The following MTMR3 variants were observed in gnomAD, a reference collection of about 807,000 sequenced individuals.
MTMR3 encodes phosphatidylinositol-3,5-bisphosphate 3-phosphatase MTMR3.
In MTMR3, 32 loss-of-function variants were observed where a neutral mutation model predicts 132.4. The observed-to-expected ratio is 0.24, with a 90% CI of 0.18 to 0.32. MTMR3 has a LOEUF of 0.32. MTMR3 is among the 10% of genes least tolerant of loss of function. The pLI is 1.00. For synonymous variants in MTMR3, 556 were observed against 550.3 expected, an observed-to-expected ratio of 1.01 and a Z score of -0.14; for missense variants, 1,216 against 1,489.6, an observed-to-expected ratio of 0.82 and a Z score of 3.02.
At chr22:29,972,579 C>G (rs2066556054) in intron 3 of MTMR3, among the ~76,000 whole-genome samples, 1 of 152,146 alleles carries the variant, frequency 6.6e-6, no homozygotes, top group Non-Finnish European at 1.5e-5. Flanking sequence ...ATTCCGTTTT[C>G]TTTTTTCTTG....
chr22:29,970,253 G>A (rs2066506702), intron 2 of MTMR3, among the ~76,000 whole-genome samples: 1 of 152,168 alleles, frequency 6.6e-6, no homozygotes, highest in Non-Finnish European at 1.5e-5. Flanking sequence ...TTCCTCAGAT[G>A]GGGGATCCAT....
rs1393169905 is a variant in MTMR3, at chr22:30,012,494, C to CT, written c.1249dup (p.Trp417LeufsTer12). 1 of 1,613,974 alleles carries CT rather than the reference C, an allele frequency of 6.2e-7. No homozygotes were observed. Among genetic ancestry groups the CT allele is most frequent in the Non-Finnish European group, 8.5e-7 (1 of 1,180,030 alleles). Reference sequence around the variant, plus strand: ...CGGTGCTAGTACACTGCTCAGATGGCTGGGACCGCACCCCCCAGATTGTGG... The same window carrying CT: ...CGGTGCTAGTACACTGCTCAGATGGCTTGGGACCGCACCCCCCAGATTGTGG... On this transcript the variant is annotated frameshift_variant, in exon 13 of 20. Coordinates refer to ENST00000401950, the MANE Select transcript of MTMR3 (RefSeq NM_021090.4). LOFTEE classifies it high-confidence loss of function.
chr22:30,022,486 G>C (rs940172195), intron 18 of MTMR3, 123 bp from the exon 19 acceptor site: 1 of 801,084 alleles, frequency 1.2e-6, no homozygotes, highest in African/African-American at 1.7e-5. Flanking sequence ...CATCAGATCT[G>C]CTGGGCTGGT....
At position 29,934,652 on chromosome 22, in the gene MTMR3, C is replaced by T. The variant is rs553951629; in HGVS notation, c.-137-22384C>T. ...TATTTTAGGGGAAAACTAGGGCATGCAGGTTGATCTTGTCCCATTATGGTG... is the reference window on the plus strand; with the variant it reads ...TATTTTAGGGGAAAACTAGGGCATGTAGGTTGATCTTGTCCCATTATGGTG... On this transcript the variant is annotated intron_variant, in intron 1 of 19. Coordinates refer to ENST00000401950, the MANE Select transcript of MTMR3 (RefSeq NM_021090.4). Among the ~76,000 whole-genome samples, 31 of 152,254 alleles carry T rather than the reference C, an allele frequency of 2.0e-4. No homozygotes were observed. The South Asian group carries it at 5.6e-3, about 28-fold the overall frequency.
At chr22:29,901,829 G>A (rs1344976937) in intron 1 of MTMR3, among the ~76,000 whole-genome samples, 1 of 152,184 alleles carries the variant, frequency 6.6e-6, no homozygotes, top group Non-Finnish European at 1.5e-5. Flanking sequence ...TCTTGAGACT[G>A]ACATCTTTTA....
chr22:29,959,190 G>GGGGT (rs896602400), intron 2 of MTMR3, among the ~76,000 whole-genome samples: 2 of 152,122 alleles, frequency 1.3e-5, no homozygotes, highest in Non-Finnish European at 2.9e-5. Context: ...GTCATATCAT[G>GGGGT]GGGTGGTACT....
intron 1 of MTMR3, among the ~76,000 whole-genome samples, chr22:29,896,892 CACACACACACAT>C (rs922818387): frequency 2.0e-5 from 3 of 151,220 alleles, no homozygotes; most frequent in Admixed American, 1.3e-4. Flanking sequence ...CACACACACA[CACACACACACAT>C]ACACACACAC....
intron 1 of MTMR3, among the ~76,000 whole-genome samples, chr22:29,930,971 C>T (rs985546838): frequency 2.0e-5 from 3 of 149,348 alleles, no homozygotes; most frequent in African/African-American, 7.4e-5. Context: ...CACACCACTG[C>T]ACTCCAGCCT....
chr22:30,016,879 G>A, intron 15 of MTMR3, 181 bp downstream of exon 15: 1 of 695,942 alleles, frequency 1.4e-6, no homozygotes, highest in Non-Finnish European at 2.3e-6. Context: ...ATGGTGCTCT[G>A]ATCTGTTTCT....
At chr22:29,947,513 A>AC (rs899833770) in intron 1 of MTMR3, among the ~76,000 whole-genome samples, 5 of 151,598 alleles carry the variant, frequency 3.3e-5, no homozygotes, top group Non-Finnish European at 7.4e-5. Context: ...AAAAAAAAAA[A>AC]ACAAAAAACC....
rs1284886306 is a variant in MTMR3, at chr22:30,020,215, T to G, written c.2556T>G (p.Asp852Glu). The change falls in exon 17 of 20, where the codon GAT (aspartate) becomes GAG (glutamate). Residue 852 changes from aspartate to glutamate, a missense_variant. Physicochemically the swap from Asp to Glu is conservative, Grantham distance 45. Around this residue, in one of 7 missense-constraint regions of MTMR3, gnomAD observed 852 missense variants for 852.0 expected, o/e 1.00. Transcript: ENST00000401950. Reference sequence around the variant, plus strand: ...GTTCTACAGACATGTTAGTGGAAGATAAGGTGAAGTCAGTAAGTGGGCCCC... The same window carrying G: ...GTTCTACAGACATGTTAGTGGAAGAGAAGGTGAAGTCAGTAAGTGGGCCCC... ...VDSSTDMLVEDKVKSVSGPQG... is the reference protein window; with the variant it reads ...VDSSTDMLVEEKVKSVSGPQG... The G allele has an allele frequency of 1.2e-5, 19 of 1,614,094 alleles. No homozygotes were observed. The highest frequency in any genetic ancestry group is 1.7e-5 in the Admixed American group (1 of 60,006).
intron 14 of MTMR3, chr22:30,015,240 A>G (rs115147394): frequency 0.024 from 3,573 of 150,004 alleles, 143 homozygotes; most frequent in African/African-American, 0.084. Flanking sequence ...TTTTTTTTTA[A>G]GAGATGGGGT....
intron 1 of MTMR3, among the ~76,000 whole-genome samples, chr22:29,948,815 A>G (rs1181271940): frequency 3.3e-5 from 5 of 151,676 alleles, no homozygotes; most frequent in Non-Finnish European, 5.9e-5. Flanking sequence ...AAAAAAGCCA[A>G]AAAACCCAGC....
chr22:29,886,286 T>C (rs2064675596), intron 1 of MTMR3, among the ~76,000 whole-genome samples: 1 of 152,216 alleles, frequency 6.6e-6, no homozygotes, highest in Non-Finnish European at 1.5e-5. Flanking sequence ...TTGTTTGGAA[T>C]TTTTGAGATT....
chr22:29,949,376 G>T (rs766197256), intron 1 of MTMR3, among the ~76,000 whole-genome samples: 3 of 151,166 alleles, frequency 2.0e-5, no homozygotes, highest in Non-Finnish European at 4.4e-5. Flanking sequence ...GGCACATGTA[G>T]TCCCAGCTAT....
At chr22:29,948,039 G>A (rs369047910) in intron 1 of MTMR3, among the ~76,000 whole-genome samples, 24 of 152,242 alleles carry the variant, frequency 1.6e-4, no homozygotes, top group African/African-American at 5.5e-4. Flanking sequence ...AATATGAGTA[G>A]CCCCCTACCT....
chr22:29,961,054 A>G (rs1217808197), intron 2 of MTMR3, among the ~76,000 whole-genome samples: 1 of 152,192 alleles, frequency 6.6e-6, no homozygotes, highest in Non-Finnish European at 1.5e-5. Flanking sequence ...ATGCTTAGGC[A>G]TATTTTTATT....
chr22:29,978,390 A>G, intron 3 of MTMR3, 52 bp from the exon 4 acceptor site: 1 of 1,474,726 alleles, frequency 6.8e-7, no homozygotes, highest in South Asian at 1.2e-5. Flanking sequence ...GAAAAACCAA[A>G]TATGAATGAT....
At chr22:29,927,939 G>GTTTT (rs764629136) in intron 1 of MTMR3, among the ~76,000 whole-genome samples, 20,820 of 106,894 alleles carry the variant, frequency 0.19, 2,729 homozygotes, top group East Asian at 0.48. Flanking sequence ...TCTAGCCTTT[G>GTTTT]TTTTTTTTTT....
Sources: allele counts gnomAD v4.1 joint callset (sites outside exome capture counted in the v4.1 genomes callset), GRCh38; gene constraint gnomAD v4.1.1; regional missense constraint gnomAD v4.1.1; transcripts MANE v1.5; gene names NCBI Gene and HGNC (gene_info 2026-07-23, HGNC 2026-07-21).